Variants in LINC00305 observed in about 807,000 individuals in gnomAD.
LINC00305 encodes long independently transcribed non-coding RNA 305, also known as long intergenic non-protein coding RNA 305.
intron 3 of LINC00305, among the ~76,000 whole-genome samples, chr18:64,090,704 A>G (rs925125208): frequency 6.6e-6 from 1 of 152,204 alleles, no homozygotes; most frequent in Non-Finnish European, 1.5e-5. Flanking sequence ...TTTATGTGTC[A>G]TGGTATTTTT....
At chr18:64,117,746 C>T (rs1036944830) in intron 1 of LINC00305, among the ~76,000 whole-genome samples, 12 of 152,162 alleles carry the variant, frequency 7.9e-5, no homozygotes, top group African/African-American at 1.4e-4. Flanking sequence ...AACAACTCTC[C>T]GCCTCTCCAG....
chr18:64,080,669 G>C (rs766961627), intron 3 of LINC00305, among the ~76,000 whole-genome samples: 1 of 152,056 alleles, frequency 6.6e-6, no homozygotes, highest in Non-Finnish European at 1.5e-5. Flanking sequence ...GTAATTTATG[G>C]TGTATAAAAT....
chr18:64,080,294 C>T (rs1458931241), exon 4 of LINC00305: 18 of 457,080 alleles, frequency 3.9e-5, no homozygotes, highest in Non-Finnish European at 7.5e-5. Flanking sequence ...CAGAAAACGT[C>T]ATCCAGCTTA....
intron 1 of LINC00305, among the ~76,000 whole-genome samples, chr18:64,125,659 GTTA>G (rs1220138814): frequency 1.3e-5 from 2 of 151,774 alleles, no homozygotes; most frequent in Non-Finnish European, 2.9e-5. Context: ...AATTTGTCCT[GTTA>G]TCCTCCTTTC....
At chr18:64,122,812 C>T (rs555100576) in intron 1 of LINC00305, among the ~76,000 whole-genome samples, 2 of 152,138 alleles carry the variant, frequency 1.3e-5, no homozygotes, top group South Asian at 4.1e-4. Flanking sequence ...TTAATTCTTC[C>T]AATCCATGAG....
At chr18:64,142,371 G>A (rs951789894) in intron 1 of LINC00305, among the ~76,000 whole-genome samples, 1 of 152,162 alleles carries the variant, frequency 6.6e-6, no homozygotes, top group Non-Finnish European at 1.5e-5. Flanking sequence ...TTCCTGGCCT[G>A]GTGGATCCAG....
At position 64,124,865 on chromosome 18, in the gene LINC00305, C is replaced by G. The variant is rs1396244819; in HGVS notation, n.314+23910G>C. ...AAATAAACTGTCTAGAATCCTGCATCTCATCAGTGGAATGACCAGGCTTCT... is the reference window on the plus strand; with the variant it reads ...AAATAAACTGTCTAGAATCCTGCATGTCATCAGTGGAATGACCAGGCTTCT... On this transcript the variant is annotated intron_variant and non_coding_transcript_variant, in intron 1 of 3. Transcript: ENST00000666468. Among the ~76,000 whole-genome samples the G allele has an allele frequency of 2.0e-5, 3 of 152,214 alleles. No individual in the cohort carries two copies. In the Middle Eastern group the frequency reaches 0.01, roughly 518 times the overall value.
At chr18:64,084,468 C>T (rs1239399524) in intron 3 of LINC00305, among the ~76,000 whole-genome samples, 1 of 152,142 alleles carries the variant, frequency 6.6e-6, no homozygotes, top group Non-Finnish European at 1.5e-5. Flanking sequence ...ACATGTACCG[C>T]TGAACTTGAA....
At chr18:64,099,970 T>C (rs2051261745) in intron 1 of LINC00305, among the ~76,000 whole-genome samples, 1 of 152,194 alleles carries the variant, frequency 6.6e-6, no homozygotes, top group Admixed American at 6.5e-5. Flanking sequence ...TGGGCATTAA[T>C]ATAAAGTGAA....
chr18:64,136,181 T>G (rs1406452486), intron 1 of LINC00305, among the ~76,000 whole-genome samples: 2 of 152,098 alleles, frequency 1.3e-5, no homozygotes, highest in African/African-American at 4.8e-5. Flanking sequence ...TAAAAATGTG[T>G]TTTCGTCCTT....
chr18:64,089,648 G>T (rs1452809025), intron 3 of LINC00305, among the ~76,000 whole-genome samples: 1 of 152,172 alleles, frequency 6.6e-6, no homozygotes, highest in Non-Finnish European at 1.5e-5. Flanking sequence ...TCACATTGCT[G>T]ATAAAGACAT....
At chr18:64,133,678 T>G (rs993770818) in intron 1 of LINC00305, among the ~76,000 whole-genome samples, 2 of 152,194 alleles carry the variant, frequency 1.3e-5, no homozygotes, top group South Asian at 2.1e-4. Flanking sequence ...CAGTGATGTT[T>G]TTTTCCTTAC....
chr18:64,090,435 A>G (rs2051220571), intron 3 of LINC00305, among the ~76,000 whole-genome samples: 1 of 152,234 alleles, frequency 6.6e-6, no homozygotes, highest in Non-Finnish European at 1.5e-5. Context: ...GTCCTCCAGA[A>G]AAGAGTTTCT....
At chr18:64,135,561 G>A (rs1213252737) in intron 1 of LINC00305, among the ~76,000 whole-genome samples, 3 of 152,036 alleles carry the variant, frequency 2.0e-5, no homozygotes, top group Non-Finnish European at 4.4e-5. Flanking sequence ...TTCTCCCTTT[G>A]TTCCACTTTG....
At chr18:64,145,962 G>A (rs1417497381) in intron 1 of LINC00305, among the ~76,000 whole-genome samples, 1 of 152,026 alleles carries the variant, frequency 6.6e-6, no homozygotes, top group Non-Finnish European at 1.5e-5. Flanking sequence ...TGCAGACAAA[G>A]CTGTTAGAAA....
At chr18:64,106,565 A>G (rs1381606062) in intron 1 of LINC00305, among the ~76,000 whole-genome samples, 1 of 152,068 alleles carries the variant, frequency 6.6e-6, no homozygotes, top group Non-Finnish European at 1.5e-5. Flanking sequence ...CTATCATGAC[A>G]CTTGCAAAAT....
chr18:64,140,429 G>A (rs761502490), intron 1 of LINC00305, among the ~76,000 whole-genome samples: 3 of 152,040 alleles, frequency 2.0e-5, no homozygotes, highest in Admixed American at 6.6e-5. Context: ...GGCTGGTCTC[G>A]AACACGTGAC....
chr18:64,110,479 A>G (rs1481918959), intron 1 of LINC00305, among the ~76,000 whole-genome samples: 2 of 152,198 alleles, frequency 1.3e-5, no homozygotes, highest in Non-Finnish European at 2.9e-5. Flanking sequence ...CTAGACTGAC[A>G]GTACTATAGA....
chr18:64,103,099 A>T (rs568713593), intron 1 of LINC00305, among the ~76,000 whole-genome samples: 47 of 152,316 alleles, frequency 3.1e-4, no homozygotes, highest in East Asian at 3.9e-4. Flanking sequence ...TCTTATTGAC[A>T]TACCTTCTTG....
Sources: gnomAD v4.1 joint callset for allele counts (sites outside exome capture counted in the v4.1 genomes callset) on GRCh38, gnomAD v4.1.1 for gene constraint, MANE v1.5 for transcripts, NCBI Gene and HGNC (gene_info 2026-07-23, HGNC 2026-07-21) for gene names.